The following ATP6V0C variants were observed in gnomAD, a reference collection of about 807,000 sequenced individuals.
ATP6V0C encodes ATPase H+ transporting V0 subunit c, also known as V-type proton ATPase 16 kDa proteolipid subunit c.
A neutral mutation model predicts 10.6 loss-of-function variants in ATP6V0C; 2 were observed. The observed-to-expected ratio is 0.19, with a 90% CI of 0.08 to 0.59. The LOEUF (loss-of-function observed/expected upper bound fraction) is 0.59, where lower values mean the gene tolerates loss of function less well. ATP6V0C is among the 20% of genes least tolerant of loss of function. ATP6V0C has a pLI of 0.90. For missense variants in ATP6V0C, 89 were observed against 225.9 expected (o/e 0.39, Z 3.88); for synonymous variants, 128 against 101.3 (o/e 1.26, Z -1.59).
intron 1 of ATP6V0C, among the ~76,000 whole-genome samples, chr16:2,514,838 C>G (rs749897153): frequency 6.6e-6 from 1 of 152,126 alleles, no homozygotes; most frequent in African/African-American, 2.4e-5. Flanking sequence ...GGAGAGCCCG[C>G]GGAGACCCGG....
chr16:2,514,069 G>A lies in ATP6V0C; in HGVS notation c.-35G>A, dbSNP rs2065864165. The A allele has an allele frequency of 1.3e-6, 2 of 1,532,600 alleles. No individual in the cohort carries two copies. The highest frequency in any genetic ancestry group is 5.3e-5 in the East Asian group (2 of 37,702). 94.9% of individuals were successfully genotyped at this position (1,532,600 alleles called of 1,614,324 possible). A position where few individuals can be genotyped will look rare whatever the true frequency, so the allele number is the denominator to read the frequency against. On this transcript the variant is annotated 5_prime_UTR_variant, in exon 1 of 3. Transcript: ENST00000330398. ...TCGCCCCCGCCTCCGCCACCGCCTC[G>A]GCCCGCAGAGCTTGCCCCCTCCCCA... is the stretch of plus-strand genomic sequence containing the variant.
In ATP6V0C at chr16:2,514,235, G is replaced by A. The variant is rs1007265612; in HGVS notation, c.79+53G>A. The A allele has an allele frequency of 2.7e-6, 4 of 1,488,814 alleles. No homozygotes were observed. In the African/African-American group the frequency reaches 4.4e-5, roughly 16 times the overall value. The allele number at this position is 1,488,814 out of a possible 1,614,324, so 92.2% of individuals were successfully genotyped here. On this transcript the variant is annotated intron_variant, in intron 1 of 2. Coordinates refer to ENST00000330398, the MANE Select transcript of ATP6V0C (RefSeq NM_001694.4). The stretch of plus-strand genomic sequence containing the variant: ...GGGCGGGGGCGCGCGCGTTGCTCAT[G>A]CCCGCAGCTCGCCGGGGTCCGGTGT...
chr16:2,518,416 C>T (rs1351040199), intron 1 of ATP6V0C, among the ~76,000 whole-genome samples: 1 of 152,222 alleles, frequency 6.6e-6, no homozygotes, highest in Non-Finnish European at 1.5e-5. Context: ...GGCCAGGCTC[C>T]TGTGTGCTTG....
chr16:2,517,343 C>T (rs1019290914), intron 1 of ATP6V0C: 1 of 152,324 alleles, frequency 6.6e-6, no homozygotes, highest in African/African-American at 2.4e-5. Context: ...GCTCCCTGGC[C>T]CAGGTCCCAG....
In ATP6V0C at chr16:2,519,838, C is replaced by A. The variant is rs2065900320; in HGVS notation, c.*93C>A. 21 of 1,495,798 alleles carry A rather than the reference C, an allele frequency of 1.4e-5. No homozygotes were observed. The highest frequency in any genetic ancestry group is 1.8e-5 in the Non-Finnish European group (20 of 1,082,440). 92.7% of individuals were successfully genotyped at this position (1,495,798 alleles called of 1,614,324 possible). ...AGCCTGACACATACGCACGGGGCCG[C>A]CGCCCCCAGTAGTTGGTCTTGTACA... On this transcript the variant is annotated 3_prime_UTR_variant, in exon 3 of 3. Transcript: ENST00000330398.
intron 1 of ATP6V0C, 110 bp downstream of exon 1, chr16:2,514,292 C>T (rs1567421067): frequency 8.4e-7 from 1 of 1,187,192 alleles, no homozygotes; most frequent in Non-Finnish European, 1.1e-6. Flanking sequence ...CCCGAGCTGT[C>T]GGGGGCGCCC....
At chr16:2,517,824 T>G (rs1292951910) in intron 1 of ATP6V0C, 1 of 152,176 alleles carries the variant, frequency 6.6e-6, no homozygotes, top group Non-Finnish European at 1.5e-5. Flanking sequence ...TGGAGTGCAG[T>G]GGCGTGATCT....
Position 2,519,636 on chromosome 16 carries a change from G to A in ATP6V0C, c.359G>A (p.Gly120Asp). The A allele has an allele frequency of 6.2e-7, 1 of 1,607,438 alleles. No homozygotes were observed. The highest frequency in any genetic ancestry group is 8.5e-7 in the Non-Finnish European group (1 of 1,175,126). ...ATCGTGGGGGACGCTGGCGTGCGGG[G>A]CACCGCCCAGCAGCCCCGACTATTC... ...IGIVGDAGVRGTAQQPRLFVG... is the reference protein window; with the variant it reads ...IGIVGDAGVRDTAQQPRLFVG... The change falls in exon 3 of 3, where the codon GGC becomes GAC. Residue 120 changes from glycine to aspartate, a missense_variant. By Grantham distance (94) the Gly-to-Asp change is moderately conservative. Transcript: ENST00000330398.
rs560382979 is a variant in ATP6V0C at position 2,518,232 on chromosome 16, G to A, written c.80-986G>A. On this transcript the variant is annotated intron_variant, in intron 1 of 2. Transcript: ENST00000330398. ...AAGTCAGAAAGGCAAATGAGCCCCC[G>A]TGACACTGCTGTGTCCACAGAATTC... Among the ~76,000 whole-genome samples the A allele has an allele frequency of 7.5e-4, 114 of 152,344 alleles. 1 individual carries two copies. The South Asian group carries it at 0.015, about 20-fold the overall frequency.
intron 1 of ATP6V0C, chr16:2,517,220 C>T (rs1215098901): frequency 3.9e-5 from 6 of 152,350 alleles, no homozygotes; most frequent in Non-Finnish European, 8.8e-5. Context: ...TGCACTGTAA[C>T]CAGGAGTTCA....
intron 1 of ATP6V0C, 144 bp from the exon 2 acceptor site, chr16:2,519,074 C>T: frequency 1.0e-6 from 1 of 986,202 alleles, no homozygotes; most frequent in Admixed American, 3.1e-5. Context: ...GTCCTCTTGC[C>T]CTGGGCTGGA....
At chr16:2,514,294 G>A in intron 1 of ATP6V0C, 112 bp downstream of exon 1, 1 of 1,196,138 alleles carries the variant, frequency 8.4e-7, no homozygotes, top group Non-Finnish European at 1.1e-6. Context: ...CGAGCTGTCG[G>A]GGGCGCCCGG....
At chr16:2,519,508 C>G in intron 2 of ATP6V0C, 33 bp from the exon 3 acceptor site, 1 of 1,542,638 alleles carries the variant, frequency 6.5e-7, no homozygotes, top group Non-Finnish European at 8.8e-7. Flanking sequence ...GGTTGGCAGG[C>G]TGCTGATGTC....
intron 1 of ATP6V0C, among the ~76,000 whole-genome samples, chr16:2,518,194 G>A (rs1018018246): frequency 7.2e-5 from 11 of 152,374 alleles, no homozygotes; most frequent in Non-Finnish European, 1.6e-4. Context: ...TGGCCCTGGA[G>A]GGCAGCTGGC....
chr16:2,517,101 T>C (rs1411083741), intron 1 of ATP6V0C: 2 of 152,564 alleles, frequency 1.3e-5, no homozygotes, highest in African/African-American at 4.8e-5. Flanking sequence ...GTGTCTGCCA[T>C]GCTCTGGTCT....
In ATP6V0C at chr16:2,514,036, G is replaced by T. The variant is rs1333067104; in HGVS notation, c.-68G>T. The T allele has an allele frequency of 8.4e-6, 12 of 1,436,422 alleles. No individual in the cohort carries two copies. The South Asian group carries it at 1.1e-4, about 13-fold the overall frequency. The allele number at this position is 1,436,422 out of a possible 1,614,324, so 89.0% of individuals were successfully genotyped here. ...GCCCGCCCGCAAACCTTCGTGCCCG[G>T]CCCGTCCTCGCCCCCGCCTCCGCCA... On this transcript the variant is annotated 5_prime_UTR_variant, in exon 1 of 3. Coordinates refer to ENST00000330398, the MANE Select transcript of ATP6V0C (RefSeq NM_001694.4).
chr16:2,515,655 C>T (rs545043906), intron 1 of ATP6V0C, among the ~76,000 whole-genome samples: 1 of 152,156 alleles, frequency 6.6e-6, no homozygotes, highest in South Asian at 2.1e-4. Flanking sequence ...TTCCCCCCAG[C>T]CTCCTCTGTT....
At chr16:2,514,621 CCCAGCCGGTCGCTGGAGCTTTCCGG>C (rs1555502848) in intron 1 of ATP6V0C, among the ~76,000 whole-genome samples, 3 of 152,164 alleles carry the variant, frequency 2.0e-5, no homozygotes, top group Non-Finnish European at 4.4e-5. Flanking sequence ...CCCAGGAACG[CCCAGCCGGTCGCTGGAGCTTTCCGG>C]CTGGTGGGGA....
At position 2,514,115 on chromosome 16, in the gene ATP6V0C, C is replaced by G. The variant is rs558602394; in HGVS notation, c.12C>G (p.Ser4=). Residue 4 remains serine (S), a synonymous_variant, in exon 1 of 3, where the codon TCC becomes TCG. Coordinates refer to ENST00000330398, the MANE Select transcript of ATP6V0C (RefSeq NM_001694.4). MSE[S]KSGPEYASFF... ...CCCCACCCGCAGACATGTCCGAGTC[C>G]AAGAGCGGCCCCGAGTATGCTTCGT... The G allele has an allele frequency of 6.3e-7, 1 of 1,584,010 alleles. No individual in the cohort carries two copies. Among genetic ancestry groups the G allele is most frequent in the Non-Finnish European group, 8.6e-7 (1 of 1,166,388 alleles).
Sources: allele counts gnomAD v4.1 joint callset (sites outside exome capture counted in the v4.1 genomes callset), GRCh38; gene constraint gnomAD v4.1.1; transcripts MANE v1.5; gene names NCBI Gene and HGNC (gene_info 2026-07-23, HGNC 2026-07-21).